Variants in CIMAP1D observed in about 807,000 individuals in gnomAD.
The protein encoded by CIMAP1D is CIMAP1 family member D.
chr19:491,584 T>G, the CIMAP1D span, among the ~76,000 whole-genome samples: 3 of 151,872 alleles, frequency 2.0e-5, no homozygotes. Context: ...TCAGAGCAGC[T>G]GACCAGGGCC....
the CIMAP1D span, among the ~76,000 whole-genome samples, chr19:477,909 C>T: frequency 1.3e-5 from 2 of 152,210 alleles, no homozygotes; most frequent in African/African-American, 4.8e-5. Context: ...TCTGACCATC[C>T]GGACCTGCTT....
chr19:490,693 G>A, the CIMAP1D span, among the ~76,000 whole-genome samples: 1 of 152,228 alleles, frequency 6.6e-6, no homozygotes, highest in Admixed American at 6.5e-5. Flanking sequence ...GGCCAGGCGC[G>A]GTGGCTGACA....
At chr19:466,967 T>G in the CIMAP1D span, among the ~76,000 whole-genome samples, 1 of 15,548 alleles carries the variant, frequency 6.4e-5, no homozygotes, top group Admixed American at 8.0e-4. Context: ...GATGGATGGG[T>G]GGGTGGTTGG....
the CIMAP1D span, among the ~76,000 whole-genome samples, chr19:488,060 G>T: frequency 6.6e-6 from 1 of 152,142 alleles, no homozygotes; most frequent in African/African-American, 2.4e-5. Context: ...CGGACCCCCT[G>T]AGAGTTGTGA....
At chr19:468,143 G>C in the CIMAP1D span, among the ~76,000 whole-genome samples, 11 of 152,210 alleles carry the variant, frequency 7.2e-5, no homozygotes, top group African/African-American at 2.4e-4. Flanking sequence ...AGGCAGGAGG[G>C]TCACTTGAGC....
At chr19:487,341 G>GC in the CIMAP1D span, among the ~76,000 whole-genome samples, 5 of 152,262 alleles carry the variant, frequency 3.3e-5, no homozygotes, top group Admixed American at 3.3e-4. Flanking sequence ...TCTCCGCACA[G>GC]CACCACTTCG....
At chr19:483,818 A>T in the CIMAP1D span, among the ~76,000 whole-genome samples, 1 of 152,156 alleles carries the variant, frequency 6.6e-6, no homozygotes, top group Non-Finnish European at 1.5e-5. Context: ...AGCTCCCCGG[A>T]AGCCCCTGCA....
At chr19:478,436 G>A in the CIMAP1D span, among the ~76,000 whole-genome samples, 2 of 99,840 alleles carry the variant, frequency 2.0e-5, no homozygotes, top group Non-Finnish European at 3.2e-5. Context: ...AGGGAAGACA[G>A]GATGGGAAGC....
chr19:473,458 G>A, the CIMAP1D span, among the ~76,000 whole-genome samples: 1 of 94,660 alleles, frequency 1.1e-5, no homozygotes. Flanking sequence ...GGGAGACTGA[G>A]GCCTGAGCCT....
the CIMAP1D span, chr19:490,280 C>G: frequency 5.2e-3 from 1,442 of 276,264 alleles, 6 homozygotes; most frequent in Non-Finnish European, 7.4e-3. Flanking sequence ...CACTTGAACC[C>G]GTGAGGTGGA....
the CIMAP1D span, chr19:474,753 G>A: frequency 6.6e-7 from 1 of 1,511,384 alleles, no homozygotes; most frequent in Non-Finnish European, 8.9e-7. Context: ...CCCATGGTGG[G>A]CAGGCGATGG....
At chr19:467,842 G>T in the CIMAP1D span, 3 of 882,108 alleles carry the variant, frequency 3.4e-6, no homozygotes, top group East Asian at 8.0e-5. Context: ...TGCCCCTCTT[G>T]GCCCCGAGAC....
chr19:479,700 G>GCCCCTTCTTCTCTCTTTC, the CIMAP1D span, among the ~76,000 whole-genome samples: 1 of 151,660 alleles, frequency 6.6e-6, no homozygotes, highest in African/African-American at 2.4e-5. Context: ...ACCGTGCCCG[G>GCCCCTTCTTCTCTCTTTC]CTAATTTTGT....
the CIMAP1D span, chr19:474,862 C>A: frequency 9.1e-6 from 8 of 882,012 alleles, 1 homozygote; most frequent in East Asian, 2.3e-4. Context: ...GGCCTCACCA[C>A]ACCCTCCCAC....
chr19:481,643 T>C, the CIMAP1D span, among the ~76,000 whole-genome samples: 9 of 151,050 alleles, frequency 6.0e-5, no homozygotes, highest in African/African-American at 2.2e-4. Flanking sequence ...TGGAGGATGA[T>C]GGGAAAGGAT....
chr19:472,747 G>A, the CIMAP1D span: 1 of 510,412 alleles, frequency 2.0e-6, no homozygotes, highest in Non-Finnish European at 3.5e-6. Flanking sequence ...CAGACAGGGA[G>A]ACTGGGGCCT....
chr19:475,872 T>C, the CIMAP1D span, among the ~76,000 whole-genome samples: 10 of 151,188 alleles, frequency 6.6e-5, no homozygotes, highest in Non-Finnish European at 1.3e-4. Context: ...CTCCCGGGTT[T>C]ATGCGATTAT....
At chr19:480,615 TGGGAAGGATGATG>T in the CIMAP1D span, among the ~76,000 whole-genome samples, 2 of 97,118 alleles carry the variant, frequency 2.1e-5, no homozygotes, top group Non-Finnish European at 3.6e-5. Context: ...GGAAGGATGA[TGGGAAGGATGATG>T]GGGAAGGATG....
At chr19:472,145 G>T in the CIMAP1D span, among the ~76,000 whole-genome samples, 1 of 152,198 alleles carries the variant, frequency 6.6e-6, no homozygotes, top group African/African-American at 2.4e-5. Flanking sequence ...GGCAGGTACA[G>T]GTACTCACCT....
Sources: allele counts gnomAD v4.1 joint callset (sites outside exome capture counted in the v4.1 genomes callset), GRCh38; gene constraint gnomAD v4.1.1; transcripts MANE v1.5; gene names NCBI Gene and HGNC (gene_info 2026-07-23, HGNC 2026-07-21).